Variants in HTR1F observed in about 807,000 individuals in gnomAD.
HTR1F encodes 5-hydroxytryptamine (serotonin) receptor 1F, G protein-coupled.
In HTR1F, 17 loss-of-function variants were observed where a neutral mutation model predicts 24.0. The ratio of observed to expected loss-of-function variants is 0.71; its 90% CI spans 0.48 to 1.06. The LOEUF (loss-of-function observed/expected upper bound fraction) is 1.06. Ranked by LOEUF, HTR1F falls within the 50% of genes least tolerant of loss-of-function variation. The probability of loss-of-function intolerance (pLI) is 0.00; values close to 1 mark genes in which losing one functional copy is unlikely to be tolerated. For synonymous variants in HTR1F, 186 were observed against 156.8 expected (o/e 1.19, Z -1.39); for missense variants, 391 against 427.8 (o/e 0.91, Z 0.76).
chr3:87,847,401 T>C (rs1704969572), intron 2 of HTR1F, among the ~76,000 whole-genome samples: 1 of 151,918 alleles, frequency 6.6e-6, no homozygotes, highest in Non-Finnish European at 1.5e-5. Context: ...ATATTTTCTA[T>C]TGTATTGATA....
intron 2 of HTR1F, among the ~76,000 whole-genome samples, chr3:87,954,597 T>C (rs1237064231): frequency 6.6e-6 from 1 of 151,664 alleles, no homozygotes; most frequent in Non-Finnish European, 1.5e-5. Flanking sequence ...CAGGGGTTGA[T>C]GAATATCATT....
intron 1 of HTR1F, among the ~76,000 whole-genome samples, chr3:87,796,680 A>G (rs1021273427): frequency 2.0e-5 from 3 of 152,150 alleles, no homozygotes; most frequent in African/African-American, 7.2e-5. Context: ...TTTTAAGAAA[A>G]AAGGAAGTGC....
chr3:87,935,047 T>C (rs1004702816), intron 2 of HTR1F, among the ~76,000 whole-genome samples: 1 of 152,126 alleles, frequency 6.6e-6, no homozygotes, highest in Non-Finnish European at 1.5e-5. Context: ...CTTCATTTGT[T>C]TGTAGAAACA....
intron 1 of HTR1F, among the ~76,000 whole-genome samples, chr3:87,819,246 A>G (rs1200546997): frequency 6.6e-6 from 1 of 152,152 alleles, no homozygotes; most frequent in African/African-American, 2.4e-5. Context: ...AATTGTCACT[A>G]TGAATTTTCA....
chr3:87,952,469 G>A (rs988386261), intron 2 of HTR1F, among the ~76,000 whole-genome samples: 1 of 151,828 alleles, frequency 6.6e-6, no homozygotes, highest in African/African-American at 2.4e-5. Context: ...TCTATAAAAT[G>A]GGGATTAAAA....
rs554970443 is a variant in HTR1F, at chr3:87,882,697, G to A, written c.-43+60573G>A. Among the ~76,000 whole-genome samples the A allele has an allele frequency of 1.1e-3, 142 of 128,226 alleles. 1 individual carries two copies. In the Middle Eastern group the frequency reaches 0.02, roughly 18 times the overall value. 84.1% of individuals were successfully genotyped at this position (128,226 alleles called of 152,430 possible). A position where few individuals can be genotyped will look rare whatever the true frequency, so the allele number is the denominator to read the frequency against. Reference sequence around the variant, plus strand: ...AGGAAGGGGAACATCACACTCTGGGGACTGTTGTGGGGTCGGGGGAGGGGG... The same window carrying A: ...AGGAAGGGGAACATCACACTCTGGGAACTGTTGTGGGGTCGGGGGAGGGGG... On this transcript the variant is annotated intron_variant, in intron 2 of 2. Transcript: ENST00000319595.
chr3:87,886,240 C>T (rs1208120042), intron 2 of HTR1F, among the ~76,000 whole-genome samples: 1 of 152,094 alleles, frequency 6.6e-6, no homozygotes, highest in Non-Finnish European at 1.5e-5. Flanking sequence ...GGACAAAAAC[C>T]ACATGATTAT....
intron 2 of HTR1F, among the ~76,000 whole-genome samples, chr3:87,923,663 A>G (rs1340678156): frequency 6.6e-6 from 1 of 151,930 alleles, no homozygotes; most frequent in East Asian, 1.9e-4. Flanking sequence ...GTTTTGAAGT[A>G]TGTTTCTTTC....
intron 2 of HTR1F, among the ~76,000 whole-genome samples, chr3:87,983,479 C>T (rs994077474): frequency 6.6e-6 from 1 of 152,132 alleles, no homozygotes; most frequent in African/African-American, 2.4e-5. Flanking sequence ...ATCCCAGGCT[C>T]GGAACCTAAC....
intron 2 of HTR1F, among the ~76,000 whole-genome samples, chr3:87,890,842 T>TC (rs1337923515): frequency 7.1e-6 from 1 of 141,392 alleles, no homozygotes; most frequent in Non-Finnish European, 1.5e-5. Flanking sequence ...GTCAATTATT[T>TC]CTTTTTTTTT....
chr3:87,938,252 T>C (rs1162758091), intron 2 of HTR1F, among the ~76,000 whole-genome samples: 1 of 152,168 alleles, frequency 6.6e-6, no homozygotes, highest in Non-Finnish European at 1.5e-5. Context: ...GATCTCTATC[T>C]AAGTAGAACT....
At chr3:87,979,509 A>G (rs542177222) in intron 2 of HTR1F, among the ~76,000 whole-genome samples, 15 of 152,262 alleles carry the variant, frequency 9.9e-5, no homozygotes, top group Admixed American at 2.6e-4. Context: ...AATGAACAGA[A>G]AGCAGCAAAT....
intron 2 of HTR1F, among the ~76,000 whole-genome samples, chr3:87,868,966 AAAAG>A (rs970269050): frequency 8.5e-5 from 13 of 152,066 alleles, no homozygotes; most frequent in Admixed American, 6.6e-4. Flanking sequence ...TTAACAATGT[AAAAG>A]AAAGAAAAAT....
intron 2 of HTR1F, among the ~76,000 whole-genome samples, chr3:87,876,802 T>A (rs1054715340): frequency 5.9e-5 from 9 of 152,116 alleles, no homozygotes; most frequent in African/African-American, 1.2e-4. Flanking sequence ...CTATCCTAGA[T>A]TCTCAGTCTA....
At chr3:87,890,762 T>C (rs923210647) in intron 2 of HTR1F, among the ~76,000 whole-genome samples, 1 of 152,152 alleles carries the variant, frequency 6.6e-6, no homozygotes, top group African/African-American at 2.4e-5. Flanking sequence ...GTTTATTATT[T>C]TAAAAAGTAC....
At chr3:87,820,724 ATTT>A (rs1321366052) in intron 1 of HTR1F, among the ~76,000 whole-genome samples, 2 of 152,084 alleles carry the variant, frequency 1.3e-5, no homozygotes, top group African/African-American at 4.8e-5. Context: ...AATTTAATAA[ATTT>A]ATTATGATTA....
chr3:87,927,324 T>C (rs1173532503), intron 2 of HTR1F, among the ~76,000 whole-genome samples: 3 of 151,870 alleles, frequency 2.0e-5, no homozygotes, highest in African/African-American at 7.3e-5. Flanking sequence ...TTGTTTCATG[T>C]TGATTACAGA....
At chr3:87,881,720 T>A (rs1380875331) in intron 2 of HTR1F, among the ~76,000 whole-genome samples, 1 of 152,112 alleles carries the variant, frequency 6.6e-6, no homozygotes, top group Admixed American at 6.6e-5. Context: ...CAAGATGGAT[T>A]AAAGACTTAA....
intron 2 of HTR1F, among the ~76,000 whole-genome samples, chr3:87,878,353 CCAGGAAGTAA>C (rs1251975477): frequency 1.1e-3 from 174 of 152,150 alleles, no homozygotes; most frequent in African/African-American, 4.1e-3. Flanking sequence ...CCTGGTAGAC[CCAGGAAGTAA>C]ATGCTAAATC....
Sources: allele counts gnomAD v4.1 joint callset (sites outside exome capture counted in the v4.1 genomes callset), GRCh38; gene constraint gnomAD v4.1.1; transcripts MANE v1.5; gene names NCBI Gene and HGNC (gene_info 2026-07-23, HGNC 2026-07-21).